Variants in PGR observed in about 807,000 individuals in gnomAD.
PGR encodes the protein nuclear receptor subfamily 3 group C member 3.
A neutral mutation model predicts 76.1 loss-of-function variants in PGR; 25 were observed. The observed-to-expected ratio is 0.33, with a 90% CI of 0.24 to 0.46. PGR has a LOEUF of 0.46. Ranked by LOEUF, PGR falls within the 20% of genes least tolerant of loss-of-function variation. PGR has a pLI of 1.00. For missense variants in PGR, 1,172 were observed against 1,225.3 expected, an observed-to-expected ratio of 0.96 and a Z score of 0.65; for synonymous variants, 579 against 535.0, an observed-to-expected ratio of 1.08 and a Z score of -1.14.
intron 2 of PGR, among the ~76,000 whole-genome samples, chr11:101,111,653 G>A (rs1862347618): frequency 6.6e-6 from 1 of 152,140 alleles, no homozygotes; most frequent in Non-Finnish European, 1.5e-5. Context: ...CCAGTACCCA[G>A]GTGATTCTGA....
chr11:101,069,762 A>C (rs1026630168), intron 3 of PGR, among the ~76,000 whole-genome samples: 4 of 152,142 alleles, frequency 2.6e-5, no homozygotes, highest in Admixed American at 2.0e-4. Context: ...AAGAACAGAA[A>C]ACCAAACACT....
chr11:101,054,475 A>G (rs1860220657), intron 4 of PGR, among the ~76,000 whole-genome samples: 1 of 152,244 alleles, frequency 6.6e-6, no homozygotes, highest in South Asian at 2.1e-4. Flanking sequence ...GCTGCTTGTA[A>G]GTCAAATATT....
chr11:101,039,579 A>T (rs10895054), intron 7 of PGR, among the ~76,000 whole-genome samples: 17,421 of 151,898 alleles, frequency 0.11, 1,297 homozygotes, highest in Non-Finnish European at 0.16. Context: ...CTTTTTATAC[A>T]TGTATACAGA....
chr11:101,041,477 C>T (rs1487379633), intron 7 of PGR, among the ~76,000 whole-genome samples: 2 of 151,950 alleles, frequency 1.3e-5, no homozygotes, highest in African/African-American at 2.4e-5. Context: ...CTAATTATTT[C>T]TTTAAGATAA....
At chr11:101,088,500 T>A (rs1591403458) in intron 3 of PGR, among the ~76,000 whole-genome samples, 1 of 152,090 alleles carries the variant, frequency 6.6e-6, no homozygotes, top group Middle Eastern at 3.4e-3. Context: ...CCTGGCTAAT[T>A]TTTTTGTGTT....
At chr11:101,084,003 C>A (rs1255322341) in intron 3 of PGR, among the ~76,000 whole-genome samples, 1 of 152,266 alleles carries the variant, frequency 6.6e-6, no homozygotes, top group Non-Finnish European at 1.5e-5. Context: ...CCATCCAAAT[C>A]TCACGTTGAA....
Position 101,051,547 on chromosome 11 carries a change from T to C in PGR, c.2234A>G (p.Asp745Gly). The change falls in exon 5 of 8, where the codon GAT (aspartate) becomes GGT (glycine). Residue 745 changes from aspartate to glycine, a missense_variant. By Grantham distance (94) the Asp-to-Gly change is moderately conservative. Coordinates refer to ENST00000325455, the MANE Select transcript of PGR (RefSeq NM_000926.4). Reference sequence around the variant, plus strand: ...ATACTGAATGAGAGTTATCTGGTCATCAATATGTAAGTTTCGAAAACCTAC... The same window carrying C: ...ATACTGAATGAGAGTTATCTGGTCACCAATATGTAAGTTTCGAAAACCTAC... Reference protein sequence around the residue: ...SLPGFRNLHIDDQITLIQYSW... With the variant: ...SLPGFRNLHIGDQITLIQYSW... 1 of 1,609,498 alleles carries C rather than the reference T, an allele frequency of 6.2e-7. No homozygotes were observed. The highest frequency in any genetic ancestry group is 1.7e-4 in the Middle Eastern group (1 of 5,792).
intron 2 of PGR, among the ~76,000 whole-genome samples, chr11:101,123,325 T>C (rs933235159): frequency 6.6e-6 from 1 of 152,212 alleles, no homozygotes; most frequent in African/African-American, 2.4e-5. Context: ...CTGTTTACTT[T>C]AAACTTCTGG....
intron 2 of PGR, among the ~76,000 whole-genome samples, chr11:101,120,166 C>A (rs2135500620): frequency 6.6e-6 from 1 of 152,332 alleles, no homozygotes; most frequent in South Asian, 2.1e-4. Context: ...TAACTTGTAT[C>A]AAGGTATTCT....
rs1228414342 is a variant in PGR at position 101,035,611 on chromosome 11, C to T, written c.*3505G>A. The stretch of plus-strand genomic sequence containing the variant: ...GTTTTTGGAGGGGCTGTGTTCTAGT[C>T]AGGCTCTCTGTTCTAAAAAGACACT... On this transcript the variant is annotated 3_prime_UTR_variant, in exon 8 of 8. Transcript: ENST00000325455. 1 of 231,936 alleles carries T rather than the reference C, an allele frequency of 4.3e-6. No homozygotes were observed. The highest frequency in any genetic ancestry group is 2.2e-5 in the African/African-American group (1 of 45,250). 14.4% of individuals were successfully genotyped at this position (231,936 alleles called of 1,614,324 possible). A position where few individuals can be genotyped will look rare whatever the true frequency, so the allele number is the denominator to read the frequency against.
chr11:101,089,689 A>G (rs1393022694), intron 3 of PGR, among the ~76,000 whole-genome samples: 1 of 140,894 alleles, frequency 7.1e-6, no homozygotes, highest in Non-Finnish European at 1.6e-5. Flanking sequence ...TTGAGGGAGA[A>G]GAGGGAGGAA....
At position 101,128,114 on chromosome 11, in the gene PGR, G is replaced by A; in HGVS notation, c.957C>T (p.Arg319=). The A allele has an allele frequency of 1.9e-6, 3 of 1,598,598 alleles. No homozygotes were observed. Among genetic ancestry groups the A allele is most frequent in the Non-Finnish European group, 2.5e-6 (3 of 1,179,638 alleles). Residue 319 remains arginine, a synonymous_variant, in exon 1 of 8, where the codon CGC becomes CGT. Transcript: ENST00000325455. ...LPLNHALLAA[R]TRQLLEDESY... is the part of the protein sequence containing the mutation. The stretch of plus-strand genomic sequence containing the variant: ...TTTCGTCTTCCAGCAGCTGCCGAGT[G>A]CGGGCTGCCAATAAGGCGTGATTGA...
rs892004941 is a variant in PGR at position 101,036,461 on chromosome 11, C to A, written c.*2655G>T. 1.5e-5 allele frequency: 3 copies of A among 199,530 alleles called. No homozygotes were observed. The highest frequency in any genetic ancestry group is 6.9e-5 in the African/African-American group (3 of 43,466). 12.4% of individuals were successfully genotyped at this position (199,530 alleles called of 1,614,324 possible). A position where few individuals can be genotyped will look rare whatever the true frequency, so the allele number is the denominator to read the frequency against. Reference sequence around the variant, plus strand: ...CTTCAAGTATTTCCTGATATGTAACCTGTCTTCTTATGATTTAGTGTCATT... The same window carrying A: ...CTTCAAGTATTTCCTGATATGTAACATGTCTTCTTATGATTTAGTGTCATT... On this transcript the variant is annotated 3_prime_UTR_variant, in exon 8 of 8. Coordinates refer to ENST00000325455, the MANE Select transcript of PGR (RefSeq NM_000926.4).
intron 2 of PGR, 42 bp from the exon 3 acceptor site, chr11:101,091,918 G>T: frequency 1.0e-6 from 1 of 990,254 alleles, no homozygotes; most frequent in South Asian, 1.3e-5. Flanking sequence ...CAATATCTAA[G>T]ATTCACTGGA....
At chr11:101,119,537 C>A (rs1299015421) in intron 2 of PGR, among the ~76,000 whole-genome samples, 1 of 151,960 alleles carries the variant, frequency 6.6e-6, no homozygotes, top group African/African-American at 2.4e-5. Flanking sequence ...CAAAAAGATA[C>A]CAGCAAATAG....
At position 101,078,802 on chromosome 11, in the gene PGR, G is replaced by A. The variant is rs142998378; in HGVS notation, c.1906+12958C>T. Among the ~76,000 whole-genome samples the A allele has an allele frequency of 3.7e-3, 557 of 152,254 alleles. 6 individuals are homozygous for A. Among genetic ancestry groups the A allele is most frequent in the Admixed American group, 8.5e-3 (130 of 15,288 alleles). ...TATTTATTACCTCTATTATTCTACTGTAAGATTTTATTAAATCTTTTAAAA... is the reference window on the plus strand; with the variant it reads ...TATTTATTACCTCTATTATTCTACTATAAGATTTTATTAAATCTTTTAAAA... On this transcript the variant is annotated intron_variant, in intron 3 of 7. Transcript: ENST00000325455.
chr11:101,081,922 C>G (rs146057128), intron 3 of PGR, among the ~76,000 whole-genome samples: 1 of 152,136 alleles, frequency 6.6e-6, no homozygotes, highest in Non-Finnish European at 1.5e-5. Flanking sequence ...TAACCTTGAA[C>G]GTAAATGGTC....
In PGR at chr11:101,128,756, T is replaced by C; in HGVS notation, c.315A>G (p.Glu105=). 6.2e-7 allele frequency: 1 copy of C among 1,613,834 alleles called. No homozygotes were observed. The highest frequency in any genetic ancestry group is 8.5e-7 in the Non-Finnish European group (1 of 1,180,010). Residue 105 remains glutamate, a synonymous_variant, in exon 1 of 8, where the codon GAA becomes GAG. Transcript: ENST00000325455. ...CACTGTCCAGCAGTCCGCTGTCCTTTTCTGGGGGACTAGAACTGCTGCCTC... is the reference window on the plus strand; with the variant it reads ...CACTGTCCAGCAGTCCGCTGTCCTTCTCTGGGGGACTAGAACTGCTGCCTC... ...GAGGSSSSPP[E]KDSGLLDSVL...
rs1859550008 is a variant in PGR at position 101,037,509 on chromosome 11, T to C, written c.*1607A>G. On this transcript the variant is annotated 3_prime_UTR_variant, in exon 8 of 8. Coordinates refer to ENST00000325455, the MANE Select transcript of PGR (RefSeq NM_000926.4). The stretch of plus-strand genomic sequence containing the variant: ...AAAACAATTTAAGGCTACATAAACA[T>C]AAGAAATAATTGTTTTGTGGAATTT... 4.4e-6 allele frequency: 1 copy of C among 227,276 alleles called. No homozygotes were observed. The highest frequency in any genetic ancestry group is 8.7e-6 in the Non-Finnish European group (1 of 114,314). 14.1% of individuals were successfully genotyped at this position (227,276 alleles called of 1,614,324 possible).
Sources: allele counts gnomAD v4.1 joint callset (sites outside exome capture counted in the v4.1 genomes callset), GRCh38; gene constraint gnomAD v4.1.1; transcripts MANE v1.5; gene names NCBI Gene and HGNC (gene_info 2026-07-23, HGNC 2026-07-21).